MYO1D: variants seen among roughly 807,000 people sequenced by gnomAD.
MYO1D encodes myosin ID.
A neutral mutation model predicts 122.0 loss-of-function variants in MYO1D; 83 were observed. That is an observed-to-expected ratio of 0.68 (90% CI 0.57 to 0.82). The LOEUF (loss-of-function observed/expected upper bound fraction) is 0.82. Among genes scored for constraint, MYO1D ranks in the 40% least tolerant of loss-of-function variants. The pLI is 0.00. For missense variants in MYO1D, 1,157 were observed against 1,269.5 expected (o/e 0.91, Z 1.35); for synonymous variants, 464 against 446.9 (o/e 1.04, Z -0.48).
chr17:32,765,110 T>C lies in MYO1D; in HGVS notation c.832-29A>G, dbSNP rs773170277. 5.2e-6 allele frequency: 8 copies of C among 1,525,628 alleles called. No homozygotes were observed. The South Asian group carries it at 5.6e-5, about 11-fold the overall frequency. 94.5% of individuals were successfully genotyped at this position (1,525,628 alleles called of 1,614,324 possible). A position where few individuals can be genotyped will look rare whatever the true frequency, so the allele number is the denominator to read the frequency against. The stretch of plus-strand genomic sequence containing the variant: ...TATCAAAAGTGAAAAAAATAACACA[T>C]TATGAAACATTATGTCAAGGATATA... On this transcript the variant is annotated intron_variant, in intron 7 of 21. Transcript: ENST00000318217.
chr17:32,808,614 T>C (rs752670680), intron 1 of MYO1D, among the ~76,000 whole-genome samples: 3 of 152,072 alleles, frequency 2.0e-5, no homozygotes, highest in Non-Finnish European at 4.4e-5. Flanking sequence ...TAACTCCTAA[T>C]GTGATGGTAT....
At chr17:32,714,909 C>T (rs2089423863) in intron 15 of MYO1D, among the ~76,000 whole-genome samples, 1 of 151,906 alleles carries the variant, frequency 6.6e-6, no homozygotes, top group Non-Finnish European at 1.5e-5. Flanking sequence ...TGCAATCTAT[C>T]CATCTGATAA....
chr17:32,516,884 A>G (rs1909911451), intron 21 of MYO1D, among the ~76,000 whole-genome samples: 1 of 152,238 alleles, frequency 6.6e-6, no homozygotes, highest in African/African-American at 2.4e-5. Flanking sequence ...GATTTACTCC[A>G]CATACCTGGC....
At chr17:32,688,583 G>A (rs60997209) in intron 16 of MYO1D, among the ~76,000 whole-genome samples, 1 of 152,206 alleles carries the variant, frequency 6.6e-6, no homozygotes, top group South Asian at 2.1e-4. Context: ...AACAGTATGT[G>A]TAAAAGTATA....
chr17:32,704,151 A>G (rs2089279693), intron 16 of MYO1D, among the ~76,000 whole-genome samples: 1 of 152,198 alleles, frequency 6.6e-6, no homozygotes, highest in Non-Finnish European at 1.5e-5. Flanking sequence ...TAGAAACACC[A>G]TCTTAGTGAT....
At chr17:32,577,842 C>T (rs1275450140) in intron 21 of MYO1D, among the ~76,000 whole-genome samples, 2 of 151,926 alleles carry the variant, frequency 1.3e-5, no homozygotes, top group Non-Finnish European at 2.9e-5. Context: ...GGGTTTATGC[C>T]ATTCTCCTGC....
At chr17:32,771,091 T>G in intron 6 of MYO1D, 34 bp downstream of exon 6, 1 of 1,487,910 alleles carries the variant, frequency 6.7e-7, no homozygotes, top group Non-Finnish European at 9.4e-7. Flanking sequence ...TGACTGATTT[T>G]CTATTGGAGC....
At chr17:32,757,433 C>T (rs928476523) in intron 10 of MYO1D, among the ~76,000 whole-genome samples, 3 of 152,100 alleles carry the variant, frequency 2.0e-5, no homozygotes, top group Non-Finnish European at 2.9e-5. Context: ...ATGCATAGAA[C>T]AGCCTCCACA....
intron 1 of MYO1D, among the ~76,000 whole-genome samples, chr17:32,873,468 C>A (rs140794767): frequency 7.6e-4 from 115 of 152,292 alleles, no homozygotes; most frequent in African/African-American, 2.6e-3. Context: ...ACCAATGGAC[C>A]AAACACGCTC....
intron 19 of MYO1D, among the ~76,000 whole-genome samples, chr17:32,646,598 GA>G (rs1435947183): frequency 6.6e-6 from 1 of 152,140 alleles, no homozygotes; most frequent in Non-Finnish European, 1.5e-5. Flanking sequence ...GGTCATTCCA[GA>G]GTCAAAACAA....
At chr17:32,581,741 T>TTGTGTGTGTGTGTG (rs35563167) in intron 21 of MYO1D, among the ~76,000 whole-genome samples, 1 of 148,276 alleles carries the variant, frequency 6.7e-6, no homozygotes, top group African/African-American at 2.5e-5. Context: ...CCTGGCTAAT[T>TTGTGTGTGTGTGTG]TGTGTGTGTG....
In MYO1D at chr17:32,636,723, C is replaced by T. The variant is rs528680346; in HGVS notation, c.2709+1999G>A. On this transcript the variant is annotated intron_variant, in intron 20 of 21. Transcript: ENST00000318217. ...GGAGATGGTGTGAGACAGCCTGGAA[C>T]TGTCTTGGCCAATGAGTGATGGAGA... is the stretch of plus-strand genomic sequence containing the variant. 5.9e-5 allele frequency among the ~76,000 whole-genome samples: 9 copies of T among 152,362 alleles called. No individual in the cohort carries two copies. In the South Asian group the frequency reaches 1.2e-3, roughly 21 times the overall value.
At chr17:32,770,008 G>A (rs1022749193) in intron 6 of MYO1D, among the ~76,000 whole-genome samples, 6 of 152,154 alleles carry the variant, frequency 3.9e-5, no homozygotes, top group African/African-American at 1.4e-4. Flanking sequence ...TTCTTTAAGT[G>A]CCTCTGGCTA....
intron 18 of MYO1D, among the ~76,000 whole-genome samples, 174 bp downstream of exon 18, chr17:32,654,303 G>A (rs372780222): frequency 2.6e-5 from 4 of 152,306 alleles, no homozygotes; most frequent in Admixed American, 1.3e-4. Context: ...TTTTAAACAC[G>A]GGAGAAACAT....
At chr17:32,808,980 CAT>C (rs915377339) in intron 1 of MYO1D, among the ~76,000 whole-genome samples, 1 of 152,084 alleles carries the variant, frequency 6.6e-6, no homozygotes, top group Non-Finnish European at 1.5e-5. Flanking sequence ...TATATGTAAA[CAT>C]GTGTACGTAT....
chr17:32,578,424 A>T (rs1362693186), intron 21 of MYO1D, among the ~76,000 whole-genome samples: 1 of 152,240 alleles, frequency 6.6e-6, no homozygotes, highest in Non-Finnish European at 1.5e-5. Context: ...AACCCTGCTC[A>T]TCTGGGAATC....
chr17:32,670,536 C>T (rs797000355), intron 16 of MYO1D, among the ~76,000 whole-genome samples: 1 of 152,264 alleles, frequency 6.6e-6, no homozygotes, highest in African/African-American at 2.4e-5. Context: ...ACCTTACCTT[C>T]AAGCCAAAAA....
chr17:32,641,205 G>A (rs554318355), intron 19 of MYO1D, among the ~76,000 whole-genome samples: 34 of 150,654 alleles, frequency 2.3e-4, no homozygotes, highest in African/African-American at 8.3e-4. Flanking sequence ...TTGTCCTTGC[G>A]ATAGTTTGCT....
chr17:32,792,996 T>C (rs1266535610), intron 1 of MYO1D, among the ~76,000 whole-genome samples: 4 of 152,118 alleles, frequency 2.6e-5, no homozygotes, highest in Admixed American at 2.0e-4. Context: ...AACATCTGAG[T>C]AACTAGTAAG....
Sources: allele counts gnomAD v4.1 joint callset (sites outside exome capture counted in the v4.1 genomes callset), GRCh38; gene constraint gnomAD v4.1.1; transcripts MANE v1.5; gene names NCBI Gene and HGNC (gene_info 2026-07-23, HGNC 2026-07-21).